The following SAMD4A variants were observed in gnomAD, a reference collection of about 807,000 sequenced individuals.
SAMD4A encodes sterile alpha motif domain containing 4A.
Under a neutral mutation model 81.3 loss-of-function variants are expected in SAMD4A, and 33 were observed. That is an observed-to-expected ratio of 0.41 (90% CI 0.31 to 0.54). SAMD4A has a LOEUF of 0.54. Ranked by LOEUF, SAMD4A falls within the 20% of genes least tolerant of loss-of-function variation. The pLI is 0.37. For missense variants in SAMD4A, 854 were observed against 951.1 expected (o/e 0.90, Z 1.34); for synonymous variants, 389 against 382.1 (o/e 1.02, Z -0.21).
intron 2 of SAMD4A, among the ~76,000 whole-genome samples, chr14:54,660,021 C>A (rs1227624573): frequency 6.6e-6 from 1 of 151,574 alleles, no homozygotes; most frequent in Non-Finnish European, 1.5e-5. Flanking sequence ...GCGGAGGTTG[C>A]AGTGAGCCGA....
chr14:54,788,564 T>C (rs142676859), intron 12 of SAMD4A, among the ~76,000 whole-genome samples: 1 of 152,330 alleles, frequency 6.6e-6, no homozygotes, highest in African/African-American at 2.4e-5. Flanking sequence ...CGGGCAGCCA[T>C]CATTCCTTCC....
At chr14:54,752,649 G>A (rs943878229) in intron 6 of SAMD4A, among the ~76,000 whole-genome samples, 5 of 152,108 alleles carry the variant, frequency 3.3e-5, no homozygotes, top group Non-Finnish European at 5.9e-5. Flanking sequence ...ATTTCTAATC[G>A]GGCAGGACGA....
chr14:54,619,348 A>G (rs2140296092), intron 2 of SAMD4A, among the ~76,000 whole-genome samples: 1 of 152,220 alleles, frequency 6.6e-6, no homozygotes, highest in African/African-American at 2.4e-5. Flanking sequence ...TTGCCTTCTC[A>G]TCTACATTTT....
intron 2 of SAMD4A, among the ~76,000 whole-genome samples, chr14:54,603,606 A>G (rs1298567586): frequency 2.0e-5 from 3 of 152,160 alleles, no homozygotes; most frequent in Non-Finnish European, 4.4e-5. Context: ...AGCCAAAGAA[A>G]TGATTGAGCA....
intron 2 of SAMD4A, among the ~76,000 whole-genome samples, chr14:54,610,345 G>T (rs896873863): frequency 6.6e-6 from 1 of 152,134 alleles, no homozygotes; most frequent in African/African-American, 2.4e-5. Flanking sequence ...AAAGTCATCT[G>T]TCGAAAAGCA....
intron 6 of SAMD4A, among the ~76,000 whole-genome samples, chr14:54,754,540 G>C (rs2038189491): frequency 6.6e-6 from 1 of 152,124 alleles, no homozygotes; most frequent in African/African-American, 2.4e-5. Flanking sequence ...CGCATCCCCT[G>C]GCCCTCCTCT....
At chr14:54,679,441 C>G (rs1049481823) in intron 2 of SAMD4A, among the ~76,000 whole-genome samples, 13 of 152,190 alleles carry the variant, frequency 8.5e-5, no homozygotes, top group African/African-American at 3.1e-4. Flanking sequence ...AATCTGCAAC[C>G]AAGAACGTGT....
intron 6 of SAMD4A, among the ~76,000 whole-genome samples, chr14:54,752,679 A>C (rs1447375870): frequency 6.6e-6 from 1 of 152,232 alleles, no homozygotes. Context: ...AAAAGAAATA[A>C]GACACAGAGA....
intron 12 of SAMD4A, among the ~76,000 whole-genome samples, chr14:54,786,235 G>A (rs1158390429): frequency 1.3e-5 from 2 of 152,218 alleles, no homozygotes; most frequent in Non-Finnish European, 2.9e-5. Context: ...AACAAGCCAG[G>A]CATAAAGGAC....
intron 2 of SAMD4A, among the ~76,000 whole-genome samples, chr14:54,638,188 A>G (rs2035081921): frequency 6.6e-6 from 1 of 152,226 alleles, no homozygotes; most frequent in African/African-American, 2.4e-5. Flanking sequence ...CAAGTCACAC[A>G]GTAGATGCCA....
At chr14:54,732,901 G>T (rs2037593606) in intron 3 of SAMD4A, among the ~76,000 whole-genome samples, 1 of 152,110 alleles carries the variant, frequency 6.6e-6, no homozygotes, top group Non-Finnish European at 1.5e-5. Context: ...ATCTTTTCCT[G>T]ACTCTTATTT....
chr14:54,610,914 A>G (rs959880061), intron 2 of SAMD4A, among the ~76,000 whole-genome samples: 12 of 152,220 alleles, frequency 7.9e-5, no homozygotes, highest in Non-Finnish European at 1.8e-4. Context: ...ATTAAAATAA[A>G]AAGCTGTTAG....
chr14:54,721,645 A>C (rs1242773740), intron 3 of SAMD4A, among the ~76,000 whole-genome samples: 1 of 152,224 alleles, frequency 6.6e-6, no homozygotes, highest in East Asian at 1.9e-4. Flanking sequence ...TCACGTTGCC[A>C]CATGGAAGAA....
intron 2 of SAMD4A, among the ~76,000 whole-genome samples, chr14:54,663,894 T>C (rs1465206455): frequency 6.6e-6 from 1 of 152,178 alleles, no homozygotes; most frequent in Non-Finnish European, 1.5e-5. Context: ...ATCAGCTCAG[T>C]TGGGGGCCTG....
chr14:54,581,856 C>T (rs1477782572), intron 2 of SAMD4A, among the ~76,000 whole-genome samples: 1 of 152,206 alleles, frequency 6.6e-6, no homozygotes, highest in African/African-American at 2.4e-5. Context: ...TATACCTCAG[C>T]TAAACAAGAA....
At chr14:54,731,541 C>T (rs2037558596) in intron 3 of SAMD4A, among the ~76,000 whole-genome samples, 1 of 152,154 alleles carries the variant, frequency 6.6e-6, no homozygotes, top group South Asian at 2.1e-4. Flanking sequence ...CCTCATTCTA[C>T]CTTTTAAAAC....
chr14:54,624,308 C>T (rs1239857826), intron 2 of SAMD4A, among the ~76,000 whole-genome samples: 2 of 152,206 alleles, frequency 1.3e-5, no homozygotes. Context: ...CCTCTCCGGT[C>T]ACGTGATAAC....
In SAMD4A at chr14:54,750,679, G is replaced by T. The variant is rs141863920; in HGVS notation, c.1090-772G>T. 5.1e-3 allele frequency among the ~76,000 whole-genome samples: 782 copies of T among 152,320 alleles called. 5 individuals carry two copies. The highest frequency in any genetic ancestry group is 0.018 in the African/African-American group (745 of 41,572). On this transcript the variant is annotated intron_variant, in intron 5 of 12. Coordinates refer to ENST00000554335, the MANE Select transcript of SAMD4A (RefSeq NM_015589.6). ...TGACACTCCATGTGGACTCTACTGGGCTGCTCATCTTTTCAAGATGGGTAA... is the reference window on the plus strand; with the variant it reads ...TGACACTCCATGTGGACTCTACTGGTCTGCTCATCTTTTCAAGATGGGTAA...
At chr14:54,760,609 T>A (rs2038372760) in intron 7 of SAMD4A, 115 bp downstream of exon 7, 1 of 1,338,410 alleles carries the variant, frequency 7.5e-7, no homozygotes, top group African/African-American at 1.5e-5. Flanking sequence ...TAGACATCAT[T>A]AGCTTCATCT....
Sources: gnomAD v4.1 joint callset for allele counts (sites outside exome capture counted in the v4.1 genomes callset) on GRCh38, gnomAD v4.1.1 for gene constraint, MANE v1.5 for transcripts, NCBI Gene and HGNC (gene_info 2026-07-23, HGNC 2026-07-21) for gene names.